CTNNA2: variants seen among roughly 807,000 people sequenced by gnomAD.
CTNNA2 encodes the protein catenin alpha-2.
CTNNA2 carries 42 observed loss-of-function variants against 101.0 expected under a neutral mutation model. That is an observed-to-expected ratio of 0.42 (90% CI 0.32 to 0.54). The LOEUF (loss-of-function observed/expected upper bound fraction) is 0.54. Among genes scored for constraint, CTNNA2 ranks in the 20% least tolerant of loss-of-function variants. The pLI is 0.14. For missense variants in CTNNA2, 871 were observed against 1,223.1 expected (o/e 0.71, Z 4.29); for synonymous variants, 450 against 456.4 (o/e 0.99, Z 0.18).
chr2:80,276,033 A>G (rs988059328), intron 7 of CTNNA2, among the ~76,000 whole-genome samples: 2 of 152,150 alleles, frequency 1.3e-5, no homozygotes, highest in African/African-American at 4.8e-5. Context: ...AATTTAGGCA[A>G]TTAATGTTGG....
chr2:79,545,385 C>G (rs1673667948), intron 1 of CTNNA2, among the ~76,000 whole-genome samples: 1 of 152,094 alleles, frequency 6.6e-6, no homozygotes. Context: ...GAGGATGCCA[C>G]AGTAATACAA....
chr2:79,854,214 A>G (rs567978378), intron 3 of CTNNA2, among the ~76,000 whole-genome samples: 1 of 152,368 alleles, frequency 6.6e-6, no homozygotes, highest in South Asian at 2.1e-4. Context: ...ACAAGAAGTG[A>G]AACCAACCAA....
At chr2:80,578,469 G>C (rs1161709279) in intron 13 of CTNNA2, among the ~76,000 whole-genome samples, 1 of 152,102 alleles carries the variant, frequency 6.6e-6, no homozygotes, top group Non-Finnish European at 1.5e-5. Context: ...AATTCATGGA[G>C]GTCTTTGACC....
chr2:80,165,703 ACT>A (rs1704634569), intron 7 of CTNNA2, among the ~76,000 whole-genome samples: 1 of 152,000 alleles, frequency 6.6e-6, no homozygotes, highest in Non-Finnish European at 1.5e-5. Context: ...TAAAGACCTG[ACT>A]CTTCACAGGC....
At chr2:79,327,047 G>A (rs1031685047) in intron 3 of CTNNA2, among the ~76,000 whole-genome samples, 16 of 152,158 alleles carry the variant, frequency 1.1e-4, no homozygotes, top group African/African-American at 2.7e-4. Flanking sequence ...ATGATAAAAT[G>A]CCTGTAATAA....
chr2:79,475,489 T>C (rs1322963433), intron 4 of CTNNA2, among the ~76,000 whole-genome samples: 1 of 152,176 alleles, frequency 6.6e-6, no homozygotes, highest in Non-Finnish European at 1.5e-5. Context: ...ATAAAGCAGA[T>C]TTGATTTGTG....
intron 7 of CTNNA2, among the ~76,000 whole-genome samples, chr2:79,958,543 A>AC: frequency 6.6e-6 from 1 of 152,184 alleles, no homozygotes; most frequent in Admixed American, 6.5e-5. Flanking sequence ...AAGAAATGTT[A>AC]GAGGCCTCTA....
rs75705841 is a variant in CTNNA2 at position 80,265,189 on chromosome 2, G to C, written c.1057-128022G>C. 3.3e-5 allele frequency among the ~76,000 whole-genome samples: 5 copies of C among 152,126 alleles called. No individual in the cohort carries two copies. In the East Asian group the frequency reaches 9.7e-4, roughly 30 times the overall value. The stretch of plus-strand genomic sequence containing the variant: ...AGGGTTTCACCATGTTGGCCAGACT[G>C]GTCTCGAACTCCTGACCTCAGGAGA... On this transcript the variant is annotated intron_variant, in intron 7 of 18. Coordinates refer to ENST00000402739, the MANE Select transcript of CTNNA2 (RefSeq NM_001282597.3).
At chr2:79,768,699 T>C (rs1673348450) in intron 3 of CTNNA2, among the ~76,000 whole-genome samples, 1 of 152,038 alleles carries the variant, frequency 6.6e-6, no homozygotes, top group African/African-American at 2.4e-5. Flanking sequence ...GGAGACAATA[T>C]TCATTAGTAC....
intron 2 of CTNNA2, among the ~76,000 whole-genome samples, chr2:79,284,615 T>G (rs1383257741): frequency 1.3e-5 from 2 of 149,384 alleles, no homozygotes; most frequent in Non-Finnish European, 3.0e-5. Context: ...GAAGCCCACT[T>G]GATCATGGTG....
rs1674188621 is a variant in CTNNA2, at chr2:79,212,474, T to G, written c.-406+14398T>G. 2.0e-5 allele frequency among the ~76,000 whole-genome samples: 3 copies of G among 152,128 alleles called. No individual in the cohort carries two copies. The South Asian group carries it at 6.2e-4, about 32-fold the overall frequency. On this transcript the variant is annotated intron_variant, in intron 2 of 21. Coordinates refer to the CTNNA2 transcript ENST00000466387. Reference sequence around the variant, plus strand: ...AAAGTATTGTCCAGTCCTTTTTAAGTTGGTGGCTGAGCTTGGTGAGGTGTG... The same window carrying G: ...AAAGTATTGTCCAGTCCTTTTTAAGGTGGTGGCTGAGCTTGGTGAGGTGTG...
chr2:79,686,976 T>C (rs1280497508), intron 2 of CTNNA2, among the ~76,000 whole-genome samples: 1 of 152,194 alleles, frequency 6.6e-6, no homozygotes, highest in Admixed American at 6.6e-5. Context: ...AATCAGCTTA[T>C]GTCTTATGTC....
At chr2:80,602,393 T>G (rs745776765) in intron 15 of CTNNA2, among the ~76,000 whole-genome samples, 1 of 152,020 alleles carries the variant, frequency 6.6e-6, no homozygotes, top group Non-Finnish European at 1.5e-5. Flanking sequence ...GGAACGTTCA[T>G]GAGGAAGCAT....
chr2:79,300,200 C>A (rs1676077003), intron 2 of CTNNA2, among the ~76,000 whole-genome samples: 1 of 152,180 alleles, frequency 6.6e-6, no homozygotes, highest in South Asian at 2.1e-4. Context: ...ATCTCTGCCA[C>A]AAACCCCGGC....
chr2:79,435,031 A>G (rs2104513322), intron 4 of CTNNA2, among the ~76,000 whole-genome samples: 1 of 152,254 alleles, frequency 6.6e-6, no homozygotes, highest in Non-Finnish European at 1.5e-5. Flanking sequence ...GTAACTAACC[A>G]TAGTGCCTAC....
intron 7 of CTNNA2, among the ~76,000 whole-genome samples, chr2:80,097,074 G>A (rs953846442): frequency 1.9e-4 from 29 of 152,192 alleles, no homozygotes; most frequent in East Asian, 1.4e-3. Flanking sequence ...TATTTTGCTC[G>A]TTAGTTGATG....
intron 7 of CTNNA2, among the ~76,000 whole-genome samples, chr2:80,181,559 C>T (rs896235569): frequency 6.6e-6 from 1 of 152,150 alleles, no homozygotes; most frequent in Non-Finnish European, 1.5e-5. Context: ...ACAATTTCAG[C>T]TCTTTCTCTA....
chr2:79,443,050 A>T (rs571498355), intron 4 of CTNNA2, among the ~76,000 whole-genome samples: 5 of 152,304 alleles, frequency 3.3e-5, no homozygotes, highest in Middle Eastern at 3.4e-3. Flanking sequence ...GAGTTGGGGG[A>T]AGAATATATG....
At chr2:79,601,138 C>T (rs543665921) in intron 1 of CTNNA2, among the ~76,000 whole-genome samples, 230 of 152,184 alleles carry the variant, frequency 1.5e-3, no homozygotes, top group African/African-American at 5.1e-3. Flanking sequence ...ATGAATTTGT[C>T]AATTATTATG....
Sources: allele counts gnomAD v4.1 joint callset (sites outside exome capture counted in the v4.1 genomes callset), GRCh38; gene constraint gnomAD v4.1.1; transcripts MANE v1.5; gene names NCBI Gene and HGNC (gene_info 2026-07-23, HGNC 2026-07-21).